PCDHA3: variants seen among roughly 807,000 people sequenced by gnomAD.
PCDHA3 encodes protocadherin alpha 3.
In PCDHA3, 41 loss-of-function variants were observed where a neutral mutation model predicts 62.2. The observed-to-expected ratio is 0.66, with a 90% confidence interval of 0.51 to 0.86. The LOEUF (loss-of-function observed/expected upper bound fraction) is 0.86. PCDHA3 is among the 40% of genes least tolerant of loss of function. PCDHA3 has a pLI of 0.00. For synonymous variants in PCDHA3, 640 were observed against 555.4 expected, an observed-to-expected ratio of 1.15 and a Z score of -2.14; for missense variants, 1,304 against 1,241.2, an observed-to-expected ratio of 1.05 and a Z score of -0.76.
chr5:140,813,639 C>G (rs1765348977), intron 1 of PCDHA3: 1 of 152,192 alleles, frequency 6.6e-6, no homozygotes, highest in African/African-American at 2.4e-5. Context: ...CAGGACATTA[C>G]TGTGCACTAA....
intron 1 of PCDHA3, among the ~76,000 whole-genome samples, chr5:140,897,305 G>T (rs952231570): frequency 6.6e-6 from 1 of 150,594 alleles, no homozygotes; most frequent in Non-Finnish European, 1.5e-5. Context: ...TTAGCATTAG[G>T]TATATCTCCT....
chr5:140,923,220 G>A (rs1264496576), intron 1 of PCDHA3, among the ~76,000 whole-genome samples: 5 of 71,932 alleles, frequency 7.0e-5, no homozygotes, highest in African/African-American at 2.1e-4. Flanking sequence ...TGAAAGGATC[G>A]TTTGAGCCCA....
At chr5:140,852,972 G>T (rs530736735) in intron 1 of PCDHA3, 1 of 376,636 alleles carries the variant, frequency 2.7e-6, no homozygotes, top group Non-Finnish European at 3.8e-6. Context: ...TCCCCCTCCC[G>T]TGTTCACGCC....
intron 1 of PCDHA3, chr5:140,841,825 A>C: frequency 6.2e-7 from 1 of 1,613,926 alleles, no homozygotes; most frequent in Non-Finnish European, 8.5e-7. Context: ...ACTCCGTGTT[A>C]ACCTACAGGC....
intron 1 of PCDHA3, chr5:140,829,438 T>A (rs782236378): frequency 2.5e-6 from 4 of 1,613,992 alleles, no homozygotes; most frequent in Non-Finnish European, 3.4e-6. Flanking sequence ...CCGACATGAA[T>A]GACAATGCTC....
intron 1 of PCDHA3, among the ~76,000 whole-genome samples, chr5:140,906,717 T>G (rs566025860): frequency 6.6e-6 from 1 of 152,320 alleles, no homozygotes; most frequent in African/African-American, 2.4e-5. Context: ...CTGCCTGGAT[T>G]GTGCTGTTGT....
In PCDHA3 at chr5:140,850,072, A is replaced by C. The variant is rs2150465925; in HGVS notation, c.2394+46481A>C. 113 of 1,596,472 alleles carry C rather than the reference A, an allele frequency of 7.1e-5. 13 individuals are homozygous for C. The Admixed American group carries it at 1.8e-3, about 25-fold the overall frequency. On this transcript the variant is annotated intron_variant, in intron 1 of 3. Coordinates refer to ENST00000522353, the MANE Select transcript of PCDHA3 (RefSeq NM_018906.3). The stretch of plus-strand genomic sequence containing the variant: ...TACGCGCTGCAGCCGTTGGACCACG[A>C]GGAGCTGGAGCTGCTACAGTTCCAG...
At chr5:140,929,768 C>T (rs534287991) in intron 1 of PCDHA3, 1 of 175,482 alleles carries the variant, frequency 5.7e-6, no homozygotes, top group South Asian at 2.0e-4. Context: ...ACGATAACCA[C>T]AAAAGATGTA....
intron 1 of PCDHA3, chr5:140,966,215 A>G (rs1554228144): frequency 4.1e-6 from 1 of 244,868 alleles, no homozygotes; most frequent in Non-Finnish European, 7.7e-6. Flanking sequence ...CTTTTCCCAG[A>G]CTAATCTCCT....
chr5:140,846,727 C>T (rs2150394030), intron 1 of PCDHA3, among the ~76,000 whole-genome samples: 16 of 149,262 alleles, frequency 1.1e-4, no homozygotes, highest in Non-Finnish European at 1.2e-4. Context: ...CTTCATTAAA[C>T]ATTAAATAGG....
intron 1 of PCDHA3, chr5:140,812,952 T>C (rs1202412188): frequency 6.6e-6 from 1 of 152,232 alleles, no homozygotes; most frequent in Non-Finnish European, 1.5e-5. Flanking sequence ...GATTTTCCAG[T>C]TTTAATTCCA....
intron 1 of PCDHA3, chr5:140,857,146 CGTCATTGCCCT>C: frequency 6.3e-7 from 1 of 1,598,132 alleles, no homozygotes; most frequent in Non-Finnish European, 8.6e-7. Context: ...AAGTGGGCAC[CGTCATTGCCCT>C]AATCAGCGTT....
At chr5:140,970,408 A>G (rs1292683019) in intron 1 of PCDHA3, among the ~76,000 whole-genome samples, 1 of 152,202 alleles carries the variant, frequency 6.6e-6, no homozygotes, top group Admixed American at 6.5e-5. Context: ...GGCTTACCCT[A>G]CAGTAAGGTG....
intron 1 of PCDHA3, chr5:140,858,539 T>G: frequency 7.1e-7 from 1 of 1,399,640 alleles, no homozygotes; most frequent in Admixed American, 2.0e-5. Context: ...TTTGTCTACA[T>G]TCCATTTATG....
intron 1 of PCDHA3, among the ~76,000 whole-genome samples, chr5:140,890,921 T>G (rs1165166836): frequency 6.6e-6 from 1 of 152,222 alleles, no homozygotes; most frequent in Non-Finnish European, 1.5e-5. Flanking sequence ...ATTTGAGAGT[T>G]TCCTTTAGTC....
intron 2 of PCDHA3, among the ~76,000 whole-genome samples, chr5:140,980,702 G>A (rs1472407152): frequency 6.6e-6 from 1 of 151,558 alleles, no homozygotes; most frequent in Non-Finnish European, 1.5e-5. Flanking sequence ...AAAGCCAAAT[G>A]TGCTCCTATT....
intron 1 of PCDHA3, among the ~76,000 whole-genome samples, chr5:140,893,847 C>T (rs962788536): frequency 6.6e-6 from 1 of 152,134 alleles, no homozygotes; most frequent in African/African-American, 2.4e-5. Flanking sequence ...TGATGCCCTA[C>T]CTCTTGTATA....
intron 1 of PCDHA3, among the ~76,000 whole-genome samples, chr5:140,924,894 CAAAA>C (rs782133089): frequency 1.1e-4 from 8 of 71,470 alleles, no homozygotes; most frequent in African/African-American, 3.4e-4. Flanking sequence ...GAACCTGTCT[CAAAA>C]AAAAAAATAA....
intron 1 of PCDHA3, chr5:140,871,073 C>A: frequency 1.2e-6 from 2 of 1,613,208 alleles, no homozygotes; most frequent in Non-Finnish European, 8.5e-7. Context: ...GGTGAGCCGG[C>A]GCTGACGGCC....
Sources: allele counts gnomAD v4.1 joint callset (sites outside exome capture counted in the v4.1 genomes callset), GRCh38; gene constraint gnomAD v4.1.1; transcripts MANE v1.5; gene names NCBI Gene and HGNC (gene_info 2026-07-23, HGNC 2026-07-21).